Variants in CELF2 observed in about 807,000 individuals in gnomAD.
CELF2 encodes CUGBP Elav-like family member 2, also known as CUG triplet repeat RNA-binding protein 2.
A neutral mutation model predicts 62.6 loss-of-function variants in CELF2; 8 were observed. That is an observed-to-expected ratio of 0.13 (90% CI 0.07 to 0.23). The LOEUF (loss-of-function observed/expected upper bound fraction) is 0.23. Among genes scored for constraint, CELF2 ranks in the 10% least tolerant of loss-of-function variants. The probability of loss-of-function intolerance (pLI) is 1.00; values close to 1 mark genes in which losing one functional copy is unlikely to be tolerated. For missense variants in CELF2, 333 were observed against 671.0 expected (o/e 0.50, Z 5.56); for synonymous variants, 258 against 250.0 (o/e 1.03, Z -0.30).
At chr10:10,966,083 G>C (rs2050094424) in intron 2 of CELF2, among the ~76,000 whole-genome samples, 2 of 152,254 alleles carry the variant, frequency 1.3e-5, no homozygotes, top group African/African-American at 4.8e-5. Flanking sequence ...ACCCACTAAA[G>C]TGGGGTACCC....
At chr10:10,712,298 C>T in the CELF2 span, among the ~76,000 whole-genome samples, 9 of 152,028 alleles carry the variant, frequency 5.9e-5, no homozygotes, top group South Asian at 2.1e-4. Flanking sequence ...GACACAAGAA[C>T]GTTCAGAGTG....
intron 2 of CELF2, among the ~76,000 whole-genome samples, chr10:10,984,568 G>A (rs1446320526): frequency 6.6e-6 from 1 of 152,120 alleles, no homozygotes; most frequent in African/African-American, 2.4e-5. Flanking sequence ...GGTACACTTT[G>A]AGGATAACCT....
chr10:10,491,782 G>C, the CELF2 span, among the ~76,000 whole-genome samples: 1 of 152,154 alleles, frequency 6.6e-6, no homozygotes, highest in African/African-American at 2.4e-5. Flanking sequence ...CCAGTAACCA[G>C]CTAGTTGTCT....
the CELF2 span, among the ~76,000 whole-genome samples, chr10:10,631,287 A>C: frequency 6.6e-6 from 1 of 152,334 alleles, no homozygotes; most frequent in East Asian, 1.9e-4. Context: ...ACGCTAGTTC[A>C]AAACCATGCA....
chr10:10,732,195 T>G, the CELF2 span, among the ~76,000 whole-genome samples: 1 of 152,164 alleles, frequency 6.6e-6, no homozygotes, highest in Non-Finnish European at 1.5e-5. Context: ...CATGCACAGC[T>G]AGGCTCAAGG....
the CELF2 span, among the ~76,000 whole-genome samples, chr10:10,682,403 G>C: frequency 6.6e-6 from 1 of 152,164 alleles, no homozygotes; most frequent in South Asian, 2.1e-4. Context: ...CATAGAGCAT[G>C]TTTCACAAAT....
chr10:11,183,501 G>A (rs368288651), intron 2 of CELF2, among the ~76,000 whole-genome samples: 4 of 152,136 alleles, frequency 2.6e-5, no homozygotes, highest in South Asian at 2.1e-4. Flanking sequence ...GGTTTATATC[G>A]AACTTCTTAA....
Position 10,919,227 on chromosome 10 carries a change from G to A in CELF2, c.54-737G>A, listed in dbSNP as rs138558336. On this transcript the variant is annotated intron_variant, in intron 1 of 13. Transcript: ENST00000636488. ...AGAGTTTGCAGTGAGCTGAGATCACGCCAGTGTACTCTAGCCTGGGCAAAA... is the reference window on the plus strand; with the variant it reads ...AGAGTTTGCAGTGAGCTGAGATCACACCAGTGTACTCTAGCCTGGGCAAAA... Among the ~76,000 whole-genome samples the A allele has an allele frequency of 9.6e-3, 1,451 of 151,900 alleles. 64 individuals are homozygous for A. Among genetic ancestry groups the A allele is most frequent in the Admixed American group, 0.084 (1,280 of 15,230 alleles).
chr10:10,556,927 A>G, the CELF2 span, among the ~76,000 whole-genome samples: 1 of 137,210 alleles, frequency 7.3e-6, no homozygotes, highest in Admixed American at 7.3e-5. Context: ...TAGATTCTGG[A>G]TATTAGCCCT....
At chr10:10,535,921 G>C in the CELF2 span, among the ~76,000 whole-genome samples, 1 of 152,018 alleles carries the variant, frequency 6.6e-6, no homozygotes, top group Non-Finnish European at 1.5e-5. Flanking sequence ...GCAAACCTGT[G>C]GGATAAATAG....
intron 4 of CELF2, among the ~76,000 whole-genome samples, chr10:11,254,288 C>T (rs2078029420): frequency 6.6e-6 from 1 of 152,264 alleles, no homozygotes; most frequent in Non-Finnish European, 1.5e-5. Context: ...ACTGTTGAAA[C>T]CACGGAGCAA....
the CELF2 span, among the ~76,000 whole-genome samples, chr10:10,589,404 C>T: frequency 2.0e-5 from 3 of 152,230 alleles, no homozygotes; most frequent in African/African-American, 7.2e-5. Context: ...GGTAATAAGG[C>T]TTATCCAACT....
At chr10:11,152,422 A>T (rs1033379115) in intron 1 of CELF2, among the ~76,000 whole-genome samples, 1 of 152,198 alleles carries the variant, frequency 6.6e-6, no homozygotes, top group African/African-American at 2.4e-5. Flanking sequence ...ATAAAAAAAA[A>T]AAATCTGGTG....
At chr10:10,859,374 T>C (rs982122413) in intron 1 of CELF2, among the ~76,000 whole-genome samples, 1 of 152,152 alleles carries the variant, frequency 6.6e-6, no homozygotes, top group Non-Finnish European at 1.5e-5. Context: ...AGAGGCTAAA[T>C]GAAGTGAGTC....
chr10:11,019,131 A>G (rs1269240889), intron 1 of CELF2, among the ~76,000 whole-genome samples: 1 of 152,192 alleles, frequency 6.6e-6, no homozygotes, highest in Non-Finnish European at 1.5e-5. Context: ...CTTGATAGGA[A>G]AGTTTTTATT....
rs1330387886 is a variant in CELF2, at chr10:11,333,595, A to G, written c.*4542A>G. On this transcript the variant is annotated 3_prime_UTR_variant, in exon 13 of 13. Transcript: ENST00000633077. ...TGTAGTTTCATTACCTTTTTGAATAATGTCATACAAAAAATGTATTTGTTT... is the reference window on the plus strand; with the variant it reads ...TGTAGTTTCATTACCTTTTTGAATAGTGTCATACAAAAAATGTATTTGTTT... 1 of 152,466 alleles carries G rather than the reference A, an allele frequency of 6.6e-6. No individual in the cohort carries two copies. Among genetic ancestry groups the G allele is most frequent in the Non-Finnish European group, 1.5e-5 (1 of 68,032 alleles). The allele number at this position is 152,466 out of a possible 1,614,324, so 9.4% of individuals were successfully genotyped here. A position where few individuals can be genotyped will look rare whatever the true frequency, so the allele number is the denominator to read the frequency against.
the CELF2 span, among the ~76,000 whole-genome samples, chr10:10,639,240 A>G: frequency 2.0e-5 from 3 of 152,204 alleles, no homozygotes; most frequent in East Asian, 5.8e-4. Flanking sequence ...AGTATTTTTA[A>G]TAGCTAGTAT....
At position 11,306,170 on chromosome 10, in the gene CELF2, T is replaced by C. The variant is rs2094193921; in HGVS notation, c.977-7969T>C. ...TTGCAGCCTCCGTCTGGGATCCTCTTGGCTTTGTTCTGCCTCCTCCTGCTT... is the reference window on the plus strand; with the variant it reads ...TTGCAGCCTCCGTCTGGGATCCTCTCGGCTTTGTTCTGCCTCCTCCTGCTT... On this transcript the variant is annotated intron_variant, in intron 9 of 12. Transcript: ENST00000633077. This position sits in a 1 kb window ranked among gnomAD's most constrained non-coding sequence, Gnocchi z 4.4. Among the ~76,000 whole-genome samples, 1 of 152,072 alleles carries C rather than the reference T, an allele frequency of 6.6e-6. No homozygotes were observed. Among genetic ancestry groups the C allele is most frequent in the Non-Finnish European group, 1.5e-5 (1 of 68,036 alleles).
At chr10:10,555,237 T>C in the CELF2 span, among the ~76,000 whole-genome samples, 2 of 151,246 alleles carry the variant, frequency 1.3e-5, no homozygotes, top group African/African-American at 4.9e-5. Context: ...GAGGAATCAC[T>C]GTAAAGCTGC....
Sources: gnomAD v4.1 joint callset for allele counts (sites outside exome capture counted in the v4.1 genomes callset) on GRCh38, gnomAD v4.1.1 for gene constraint, Gnocchi (gnomAD v3.1) non-coding constraint, MANE v1.5 for transcripts, NCBI Gene and HGNC (gene_info 2026-07-23, HGNC 2026-07-21) for gene names.